LOXHD1: variants seen among roughly 807,000 people sequenced by gnomAD.
LOXHD1 encodes the protein lipoxygenase homology PLAT domains 1.
In LOXHD1, 205 loss-of-function variants were observed where a neutral mutation model predicts 248.2. The observed-to-expected ratio is 0.83, with a 90% CI of 0.74 to 0.93. LOXHD1 has a LOEUF of 0.93. Among genes scored for constraint, LOXHD1 ranks in the 40% least tolerant of loss-of-function variants. The pLI is 0.00. For missense variants in LOXHD1, 2,930 were observed against 2,971.6 expected (o/e 0.99, Z 0.33); for synonymous variants, 1,113 against 1,162.8 (o/e 0.96, Z 0.87).
intron 36 of LOXHD1, among the ~76,000 whole-genome samples, chr18:46,506,483 G>T (rs1224382747): frequency 6.6e-6 from 1 of 152,180 alleles, no homozygotes; most frequent in African/African-American, 2.4e-5. Flanking sequence ...CCAAATACAG[G>T]TATTGGCCCA....
chr18:46,569,539 A>G lies in LOXHD1; in HGVS notation c.2147T>C (p.Ile716Thr). ...IKLYGDKSDT[I>T]KQVLLVSDNN... ...GTCAGAGACAAGAAGAACTTGCTTG[A>G]TGGTGTCAGATTTATCCCCATAGAG... Residue 716 changes from isoleucine to threonine, a missense_variant, in exon 16 of 41, where the codon ATC becomes ACC. Ile to Thr is a moderately conservative substitution (Grantham distance 89). Coordinates refer to ENST00000642948, the MANE Select transcript of LOXHD1 (RefSeq NM_001384474.1). The G allele has an allele frequency of 2.6e-6, 4 of 1,551,952 alleles. No individual in the cohort carries two copies. The Middle Eastern group carries it at 5.0e-4, about 194-fold the overall frequency.
At chr18:46,477,136 T>C (rs1247897049), downstream of LOXHD1, 3 of 718,054 alleles carry the variant, frequency 4.2e-6, no homozygotes, top group East Asian at 2.7e-5. Context: ...ACCATCTTGA[T>C]GGCCTCTGCT....
intron 40 of LOXHD1, among the ~76,000 whole-genome samples, chr18:46,481,752 G>C (rs149501198): frequency 2.0e-5 from 3 of 152,274 alleles, no homozygotes; most frequent in Non-Finnish European, 4.4e-5. Context: ...AATTAAGAGC[G>C]GCTTTTTCTT....
rs1295501496 is a variant in LOXHD1, at chr18:46,534,428, A to G, written c.4119T>C (p.Ile1373=). The G allele has an allele frequency of 2.6e-6, 4 of 1,551,550 alleles. No individual in the cohort carries two copies. The highest frequency in any genetic ancestry group is 3.9e-5 in the Admixed American group (2 of 50,976). Residue 1373 remains isoleucine, a synonymous_variant, in exon 27 of 41, where the codon ATT becomes ATC. Coordinates refer to ENST00000642948, the MANE Select transcript of LOXHD1 (RefSeq NM_001384474.1). The part of the protein sequence containing the change: ...IVELEDVGEI[I]EKIRIGHNNT... ...TATTATGGCCAATCCGAATTTTTTCAATGATTTCTCCCACATCTTCTAACT... is the reference window on the plus strand; with the variant it reads ...TATTATGGCCAATCCGAATTTTTTCGATGATTTCTCCCACATCTTCTAACT...
chr18:46,567,152 T>G (rs2037659645), intron 16 of LOXHD1, among the ~76,000 whole-genome samples: 1 of 152,252 alleles, frequency 6.6e-6, no homozygotes, highest in Admixed American at 6.5e-5. Context: ...ATGTTTGGAT[T>G]GCTTTTATGT....
At position 46,572,124 on chromosome 18, in the gene LOXHD1, C is replaced by T. The variant is rs752914517; in HGVS notation, c.2009G>A (p.Arg670Gln). 9.7e-6 allele frequency: 15 copies of T among 1,551,866 alleles called. No homozygotes were observed. In the East Asian group the frequency reaches 1.2e-4, roughly 13 times the overall value. ...GCTGCTGTCACTGGGTAGCAACTCT[C>T]GGACCAGCTGCCCATCATCCTTATC... is the stretch of plus-strand genomic sequence containing the variant. ...DKDKDDGQLV[R>Q]ELLPSDSSAT... The change falls in exon 15 of 41, where the codon CGA becomes CAA. Residue 670 changes from arginine (R) to glutamine (Q), a missense_variant. By Grantham distance (43) the Arg-to-Gln change is conservative. Coordinates refer to ENST00000642948, the MANE Select transcript of LOXHD1 (RefSeq NM_001384474.1).
chr18:46,653,591 A>C (rs2039140493), intron 1 of LOXHD1, among the ~76,000 whole-genome samples: 1 of 152,238 alleles, frequency 6.6e-6, no homozygotes, highest in Non-Finnish European at 1.5e-5. Flanking sequence ...AGTCAGCACA[A>C]ACAATTGTCA....
chr18:46,552,538 C>T (rs1026559000), intron 21 of LOXHD1, among the ~76,000 whole-genome samples: 4 of 152,152 alleles, frequency 2.6e-5, no homozygotes, highest in African/African-American at 4.8e-5. Context: ...TGCTGAGACC[C>T]GGACTGCCAT....
At chr18:46,601,688 T>C (rs1476150153) in intron 7 of LOXHD1, 5 of 572,702 alleles carry the variant, frequency 8.7e-6, no homozygotes, top group Non-Finnish European at 1.5e-5. Flanking sequence ...AGTTTGAGAA[T>C]AAACCGCACG....
At chr18:46,542,271 C>T (rs2036594028) in intron 24 of LOXHD1, among the ~76,000 whole-genome samples, 2 of 152,092 alleles carry the variant, frequency 1.3e-5, no homozygotes, top group Non-Finnish European at 1.5e-5. Context: ...GGGCTTCAAA[C>T]AGAACTCAGG....
rs569597418 is a variant in LOXHD1 at position 46,572,805 on chromosome 18, C to T, written c.1971-643G>A. On this transcript the variant is annotated intron_variant, in intron 14 of 40. Coordinates refer to ENST00000642948, the MANE Select transcript of LOXHD1 (RefSeq NM_001384474.1). The stretch of plus-strand genomic sequence containing the variant: ...CAGGATAGGCCAGGCGGGTGGATCA[C>T]GAGGTCAGGAGATGAAGACCATCCT... Among the ~76,000 whole-genome samples, 5 of 151,908 alleles carry T rather than the reference C, an allele frequency of 3.3e-5. No homozygotes were observed. The South Asian group carries it at 8.4e-4, about 25-fold the overall frequency.
Position 46,655,162 on chromosome 18 carries a change from C to T in LOXHD1, c.130+1742G>A, listed in dbSNP as rs1014548106. ...GGCAGCATCATGAGATGAAATGGGG[C>T]GCTTGCCTCGAAAAAGATATTTGAG... On this transcript the variant is annotated intron_variant, in intron 1 of 40. Coordinates refer to ENST00000642948, the MANE Select transcript of LOXHD1 (RefSeq NM_001384474.1). Among the ~76,000 whole-genome samples the T allele has an allele frequency of 4.6e-5, 7 of 152,270 alleles. 1 individual carries two copies. The South Asian group carries it at 8.3e-4, about 18-fold the overall frequency.
At chr18:46,529,089 A>C in intron 29 of LOXHD1, 88 bp downstream of exon 29, 4 of 1,477,164 alleles carry the variant, frequency 2.7e-6, no homozygotes, top group Non-Finnish European at 3.7e-6. Context: ...GAGTTCCTGG[A>C]TGTCCCCAGG....
intron 27 of LOXHD1, chr18:46,533,741 T>G: frequency 3.1e-6 from 1 of 327,164 alleles, no homozygotes; most frequent in South Asian, 2.4e-5. Flanking sequence ...TTGGCCAACA[T>G]GGTGAAACCC....
intron 40 of LOXHD1, among the ~76,000 whole-genome samples, chr18:46,482,729 G>C (rs111956902): frequency 2.0e-5 from 3 of 152,220 alleles, no homozygotes; most frequent in Non-Finnish European, 4.4e-5. Flanking sequence ...CCTGGCTGCC[G>C]CTTCTGTGCA....
At chr18:46,554,289 T>C (rs1216280505) in intron 21 of LOXHD1, among the ~76,000 whole-genome samples, 1 of 152,150 alleles carries the variant, frequency 6.6e-6, no homozygotes, top group Non-Finnish European at 1.5e-5. Context: ...CCAAGAGGTC[T>C]AGTCATGGAG....
chr18:46,592,152 G>T (rs1419944710), intron 11 of LOXHD1, 84 bp from the exon 12 acceptor site: 1 of 1,500,864 alleles, frequency 6.7e-7, no homozygotes, highest in Non-Finnish European at 9.1e-7. Context: ...CTATCTCATT[G>T]CAGAGAAGCC....
chr18:46,505,985 C>T lies in LOXHD1; in HGVS notation c.5731G>A (p.Gly1911Arg), dbSNP rs780560784. Residue 1911 changes from glycine to arginine, a missense_variant, in exon 37 of 41, where the codon GGG becomes AGG. By Grantham distance (125) the Gly-to-Arg change is moderately radical. Transcript: ENST00000642948. The part of the protein sequence containing the change: ...TDANVFIIIF[G>R]ENGDSGTLAL... ...AGTGTCCCACTATCCCCGTTCTCCC[C>T]GAAGATGATGATGAACACGTTGGCA... 1.0e-5 allele frequency: 16 copies of T among 1,552,104 alleles called. No homozygotes were observed. Among genetic ancestry groups the T allele is most frequent in the South Asian group, 4.8e-5 (4 of 84,050 alleles).
chr18:46,551,844 T>A (rs957556533), intron 21 of LOXHD1, among the ~76,000 whole-genome samples: 14 of 152,210 alleles, frequency 9.2e-5, no homozygotes, highest in African/African-American at 3.4e-4. Context: ...AGGTGGTACG[T>A]ACATACAATG....
Sources: gnomAD v4.1 joint callset for allele counts (sites outside exome capture counted in the v4.1 genomes callset) on GRCh38, gnomAD v4.1.1 for gene constraint, MANE v1.5 for transcripts, NCBI Gene and HGNC (gene_info 2026-07-23, HGNC 2026-07-21) for gene names.